FBXL7: variants seen among roughly 807,000 people sequenced by gnomAD.
FBXL7 encodes F-box/LRR-repeat protein 7.
A neutral mutation model predicts 38.3 loss-of-function variants in FBXL7; 12 were observed. The ratio of observed to expected loss-of-function variants is 0.31; its 90% CI spans 0.20 to 0.51. The LOEUF is 0.51. Ranked by LOEUF, FBXL7 falls within the 20% of genes least tolerant of loss-of-function variation. The pLI is 0.98. For missense variants in FBXL7, 567 were observed against 676.4 expected (o/e 0.84, Z 1.79); for synonymous variants, 297 against 300.9 (o/e 0.99, Z 0.13).
chr5:15,602,893 G>A (rs999745612), intron 1 of FBXL7, among the ~76,000 whole-genome samples: 1 of 152,136 alleles, frequency 6.6e-6, no homozygotes. Flanking sequence ...GAGTGCAGTG[G>A]CACCATCATG....
At chr5:15,634,143 C>T (rs1015612829) in intron 2 of FBXL7, among the ~76,000 whole-genome samples, 7 of 151,958 alleles carry the variant, frequency 4.6e-5, no homozygotes, top group Non-Finnish European at 8.8e-5. Context: ...CATTCTTTAA[C>T]GCATGCTAAC....
intron 2 of FBXL7, among the ~76,000 whole-genome samples, chr5:15,859,620 C>T (rs1579529515): frequency 6.6e-6 from 1 of 152,152 alleles, no homozygotes; most frequent in East Asian, 1.9e-4. Flanking sequence ...AGAGGAACTC[C>T]CTTTTATAAA....
intron 1 of FBXL7, 81 bp from the exon 2 acceptor site, chr5:15,615,902 C>A: frequency 3.5e-6 from 3 of 857,554 alleles, no homozygotes; most frequent in Non-Finnish European, 5.6e-6. Flanking sequence ...GGTGATATGG[C>A]TTGCTGTGGG....
intron 2 of FBXL7, among the ~76,000 whole-genome samples, chr5:15,640,223 T>G (rs1442077718): frequency 6.6e-6 from 1 of 152,174 alleles, no homozygotes; most frequent in Non-Finnish European, 1.5e-5. Context: ...AGCAGCCGTC[T>G]TCCCTTTGAG....
intron 2 of FBXL7, among the ~76,000 whole-genome samples, chr5:15,659,680 G>T (rs1285615270): frequency 6.6e-6 from 1 of 152,186 alleles, no homozygotes; most frequent in East Asian, 1.9e-4. Context: ...GAGAATGATG[G>T]TGTAAGGAGT....
Position 15,500,561 on chromosome 5 carries a change from TG to T in FBXL7, c.-109del, listed in dbSNP as rs540091616. On this transcript the variant is annotated 5_prime_UTR_variant, in exon 1 of 4. Transcript: ENST00000504595. ...CAGGCCGGAGGTCGGCCCCGGAGCT[TG>T]GGGGGGATGTGCAGCTAACGGTCCC... 5.6e-5 allele frequency: 79 copies of T among 1,417,620 alleles called. No homozygotes were observed. Among genetic ancestry groups the T allele is most frequent in the Non-Finnish European group, 7.4e-5 (74 of 1,002,402 alleles). 87.8% of individuals were successfully genotyped at this position (1,417,620 alleles called of 1,614,324 possible).
chr5:15,919,457 A>G (rs1486621269), intron 2 of FBXL7, among the ~76,000 whole-genome samples: 3 of 152,162 alleles, frequency 2.0e-5, no homozygotes, highest in East Asian at 1.9e-4. Flanking sequence ...AAAGACAGCT[A>G]TACTTTTTTG....
intron 2 of FBXL7, among the ~76,000 whole-genome samples, chr5:15,778,619 T>G (rs1736918234): frequency 6.6e-6 from 1 of 152,112 alleles, no homozygotes; most frequent in Non-Finnish European, 1.5e-5. Flanking sequence ...TCTCCATCGT[T>G]TTTCTTTTCC....
chr5:15,852,567 G>C lies in FBXL7; in HGVS notation c.128-75323G>C, dbSNP rs74771816. Among the ~76,000 whole-genome samples the C allele has an allele frequency of 5.5e-3, 844 of 152,112 alleles. 5 individuals are homozygous for C. Among genetic ancestry groups the C allele is most frequent in the African/African-American group, 0.019 (799 of 41,512 alleles). Reference sequence around the variant, plus strand: ...GTACTTTCTGTTGAAAACTATAATAGAATACCGTGCATAGACATGAAACCT... The same window carrying C: ...GTACTTTCTGTTGAAAACTATAATACAATACCGTGCATAGACATGAAACCT... On this transcript the variant is annotated intron_variant, in intron 2 of 3. Coordinates refer to ENST00000504595, the MANE Select transcript of FBXL7 (RefSeq NM_012304.5).
intron 1 of FBXL7, among the ~76,000 whole-genome samples, chr5:15,585,972 A>G (rs1027514636): frequency 2.6e-5 from 4 of 152,204 alleles, no homozygotes; most frequent in Non-Finnish European, 5.9e-5. Context: ...TTAACTTAGG[A>G]ATCAAGAAAA....
At chr5:15,668,791 T>C (rs1742367355) in intron 2 of FBXL7, among the ~76,000 whole-genome samples, 1 of 152,226 alleles carries the variant, frequency 6.6e-6, no homozygotes, top group Admixed American at 6.5e-5. Flanking sequence ...AGTTCTAACT[T>C]ATGTAAAGAC....
chr5:15,750,074 G>A (rs1306308260), intron 2 of FBXL7, among the ~76,000 whole-genome samples: 3 of 152,068 alleles, frequency 2.0e-5, no homozygotes, highest in Admixed American at 6.6e-5. Context: ...ATTCTGTTTC[G>A]TTTTTATTTA....
At chr5:15,568,426 C>T (rs1738658318) in intron 1 of FBXL7, among the ~76,000 whole-genome samples, 1 of 152,080 alleles carries the variant, frequency 6.6e-6, no homozygotes, top group East Asian at 1.9e-4. Flanking sequence ...CCTTTGCCCA[C>T]TTTTTGATGG....
At chr5:15,599,775 T>C (rs1490649000) in intron 1 of FBXL7, among the ~76,000 whole-genome samples, 4 of 145,958 alleles carry the variant, frequency 2.7e-5, no homozygotes, top group Admixed American at 2.7e-4. Flanking sequence ...TATTTAGTTT[T>C]CTGTGGTAGG....
chr5:15,877,546 C>T (rs1178649869), intron 2 of FBXL7, among the ~76,000 whole-genome samples: 1 of 125,176 alleles, frequency 8.0e-6, no homozygotes, highest in South Asian at 2.6e-4. Flanking sequence ...TAGATCTATG[C>T]ACTTGGCAAG....
At chr5:15,571,487 C>T (rs1246328788) in intron 1 of FBXL7, among the ~76,000 whole-genome samples, 1 of 152,134 alleles carries the variant, frequency 6.6e-6, no homozygotes, top group Non-Finnish European at 1.5e-5. Context: ...GATTTGAACC[C>T]AGTGGCTTTT....
rs1741934122 is a variant in FBXL7, at chr5:15,928,053, AC to A, written c.292del (p.His98ThrfsTer17). On this transcript the variant is annotated frameshift_variant, in exon 3 of 4. Transcript: ENST00000504595. LOFTEE classifies it high-confidence loss of function. This position sits in a 1 kb window ranked among gnomAD's most constrained non-coding sequence, Gnocchi z 4.0. ...ACTCCCCGCCCCCGACCCGCCTCACACACCCGCTCATCCGGCTCGCCTCCAG... is the reference window on the plus strand; with the variant it reads ...ACTCCCCGCCCCCGACCCGCCTCACAACCCGCTCATCCGGCTCGCCTCCAG... ...VHSPPPTRLTHPLIRLASRPQ... is the reference protein window; with the variant it reads ...VHSPPPTRLTXPLIRLASRPQ... 1.7e-6 allele frequency: 1 copy of A among 590,868 alleles called. No individual in the cohort carries two copies. The highest frequency in any genetic ancestry group is 3.0e-5 in the Admixed American group (1 of 33,454). The allele number at this position is 590,868 out of a possible 1,614,324, so 36.6% of individuals were successfully genotyped here.
intron 2 of FBXL7, among the ~76,000 whole-genome samples, chr5:15,773,563 C>T (rs542800104): frequency 2.6e-5 from 4 of 152,120 alleles, no homozygotes; most frequent in African/African-American, 7.2e-5. Flanking sequence ...ATGGGAGGAT[C>T]GCTTGAGCCC....
In FBXL7 at chr5:15,895,792, C is replaced by T. The variant is rs1440722166; in HGVS notation, c.128-32098C>T. Reference sequence around the variant, plus strand: ...CCTAGTAGCTGGGACTACAGGTGCCCGCCACCACGCCTGGCTAATTTTTTT... The same window carrying T: ...CCTAGTAGCTGGGACTACAGGTGCCTGCCACCACGCCTGGCTAATTTTTTT... On this transcript the variant is annotated intron_variant, in intron 2 of 3. Coordinates refer to ENST00000504595, the MANE Select transcript of FBXL7 (RefSeq NM_012304.5). Among the ~76,000 whole-genome samples, 8 of 149,788 alleles carry T rather than the reference C, an allele frequency of 5.3e-5. No individual in the cohort carries two copies. The East Asian group carries it at 6.1e-4, about 11-fold the overall frequency.
Sources: allele counts gnomAD v4.1 joint callset (sites outside exome capture counted in the v4.1 genomes callset), GRCh38; gene constraint gnomAD v4.1.1; non-coding constraint Gnocchi (gnomAD v3.1); transcripts MANE v1.5; gene names NCBI Gene and HGNC (gene_info 2026-07-23, HGNC 2026-07-21).